The following SLC30A10 variants were observed in gnomAD, a reference collection of about 807,000 sequenced individuals.
SLC30A10 encodes calcium/manganese antiporter SLC30A10.
Under a neutral mutation model 21.7 loss-of-function variants are expected in SLC30A10, and 8 were observed. The observed-to-expected ratio is 0.37, with a 90% CI of 0.22 to 0.67. The LOEUF is 0.67. Among genes scored for constraint, SLC30A10 ranks in the 30% least tolerant of loss-of-function variants. SLC30A10 has a pLI of 0.58. For missense variants in SLC30A10, 521 were observed against 642.5 expected, an observed-to-expected ratio of 0.81 and a Z score of 2.04; for synonymous variants, 272 against 279.4, an observed-to-expected ratio of 0.97 and a Z score of 0.26.
At chr1:219,925,649 ATATTTTTTTT>A (rs1015123891) in intron 2 of SLC30A10, among the ~76,000 whole-genome samples, 5 of 65,934 alleles carry the variant, frequency 7.6e-5, no homozygotes, top group Admixed American at 4.5e-4. Context: ...ATATATATAT[ATATTTTTTTT>A]TTTTTTTTTT....
chr1:219,956,499 C>CT (rs35742054), intron 1 of SLC30A10, among the ~76,000 whole-genome samples: 62,451 of 151,422 alleles, frequency 0.41, 13,551 homozygotes, highest in East Asian at 0.52. Flanking sequence ...GCTAGATACT[C>CT]TAGAATTAAG....
chr1:219,948,256 A>G lies in SLC30A10; in HGVS notation n.80+10312T>C, dbSNP rs540236104. 1.5e-4 allele frequency among the ~76,000 whole-genome samples: 23 copies of G among 150,382 alleles called. No individual in the cohort carries two copies. In the South Asian group the frequency reaches 4.9e-3, roughly 32 times the overall value. ...TGACTTTCTTCACAGAATTGGAAAAAACTACTTTAAAGTTCATATGGAACC... is the reference window on the plus strand; with the variant it reads ...TGACTTTCTTCACAGAATTGGAAAAGACTACTTTAAAGTTCATATGGAACC... On this transcript the variant is annotated intron_variant and non_coding_transcript_variant, in intron 1 of 8. Transcript: ENST00000484239.
Position 219,928,474 on chromosome 1 carries a change from A to G in SLC30A10, c.-34T>C. ...CAGCCCCGGGCGCCCGGCGCCGCCC[A>G]GGGGAGCGCAGCCCACCCCGCGCGC... On this transcript the variant is annotated 5_prime_UTR_variant, in exon 1 of 4. Transcript: ENST00000366926. This position sits in a 1 kb window ranked among gnomAD's most constrained non-coding sequence, Gnocchi z 6.3. 1 of 1,515,934 alleles carries G rather than the reference A, an allele frequency of 6.6e-7. No homozygotes were observed. Among genetic ancestry groups the G allele is most frequent in the Non-Finnish European group, 8.8e-7 (1 of 1,132,720 alleles). The allele number at this position is 1,515,934 out of a possible 1,614,324, so 93.9% of individuals were successfully genotyped here. A position where few individuals can be genotyped will look rare whatever the true frequency, so the allele number is the denominator to read the frequency against.
intron 1 of SLC30A10, among the ~76,000 whole-genome samples, chr1:219,952,155 C>G (rs1039849228): frequency 5.3e-5 from 8 of 152,142 alleles, no homozygotes; most frequent in African/African-American, 1.9e-4. Flanking sequence ...TTCCTCTTCC[C>G]TTCAGCCCTT....
At chr1:219,921,935 GAGAGAGAGACCGAGAGAGAGAGAC>G (rs1182444520) in intron 2 of SLC30A10, among the ~76,000 whole-genome samples, 4 of 149,432 alleles carry the variant, frequency 2.7e-5, no homozygotes, top group Non-Finnish European at 3.0e-5. Flanking sequence ...GAGAGAGAGA[GAGAGAGAGACCGAGAGAGAGAGAC>G]AGAGAGAGAG....
chr1:219,932,224 C>A (rs975086759), upstream of SLC30A10, among the ~76,000 whole-genome samples: 7 of 149,726 alleles, frequency 4.7e-5, no homozygotes, highest in African/African-American at 1.5e-4. Context: ...CCACCACGCC[C>A]AGCTAATTTT....
intron 3 of SLC30A10, among the ~76,000 whole-genome samples, chr1:219,916,761 A>T (rs1357847325): frequency 1.3e-5 from 2 of 152,166 alleles, no homozygotes; most frequent in East Asian, 3.9e-4. Context: ...TAGTTTAGAC[A>T]TTTACTAACT....
At chr1:219,935,258 A>T (rs538266642) in intron 1 of SLC30A10, among the ~76,000 whole-genome samples, 1 of 152,210 alleles carries the variant, frequency 6.6e-6, no homozygotes, top group Non-Finnish European at 1.5e-5. Context: ...AAGGTTTCCT[A>T]TGTGTTCTTT....
At position 219,912,289 on chromosome 1, in the gene SLC30A10, T is replaced by C. The variant is rs2102521715; in HGVS notation, c.*3160A>G. Among the ~76,000 whole-genome samples the C allele has an allele frequency of 6.6e-6, 1 of 152,202 alleles. No homozygotes were observed. Among genetic ancestry groups the C allele is most frequent in the Non-Finnish European group, 1.5e-5 (1 of 67,998 alleles). ...TCAAGAAGAGAGTAATTTTATTTTC[T>C]GTCAACAATGGAGCCTGTGGGTATT... On this transcript the variant is annotated 3_prime_UTR_variant, in exon 4 of 4. Coordinates refer to ENST00000366926, the MANE Select transcript of SLC30A10 (RefSeq NM_018713.3).
intron 1 of SLC30A10, among the ~76,000 whole-genome samples, chr1:219,948,842 A>G (rs982245126): frequency 6.6e-6 from 1 of 152,206 alleles, no homozygotes; most frequent in Non-Finnish European, 1.5e-5. Context: ...AAAATGGGAG[A>G]AAATTTTCGC....
chr1:219,957,596 TTC>T (rs1380925503), intron 1 of SLC30A10, among the ~76,000 whole-genome samples: 2 of 152,228 alleles, frequency 1.3e-5, no homozygotes, highest in African/African-American at 4.8e-5. Flanking sequence ...TACTTAGCAT[TTC>T]TCTCAGTCCT....
Position 219,928,482 on chromosome 1 carries a change from G to A in SLC30A10, c.-42C>T. The A allele has an allele frequency of 1.3e-6, 2 of 1,492,268 alleles. No individual in the cohort carries two copies. Among genetic ancestry groups the A allele is most frequent in the East Asian group, 2.5e-5 (1 of 40,102 alleles). The allele number at this position is 1,492,268 out of a possible 1,614,324, so 92.4% of individuals were successfully genotyped here. A position where few individuals can be genotyped will look rare whatever the true frequency, so the allele number is the denominator to read the frequency against. On this transcript the variant is annotated 5_prime_UTR_variant, in exon 1 of 4. Transcript: ENST00000366926. The surrounding 1 kb of genome is among the most constrained non-coding windows in gnomAD (Gnocchi z 6.3). ...GGCGCCCGGCGCCGCCCAGGGGAGC[G>A]CAGCCCACCCCGCGCGCAGCCACAG...
rs1199976769 is a variant in SLC30A10, at chr1:219,928,298, A to G, written c.143T>C (p.Leu48Pro). The change falls in exon 1 of 4, where the codon CTG becomes CCG. Residue 48 changes from leucine to proline, a missense_variant. Physicochemically the swap from Leu to Pro is moderately conservative, Grantham distance 98. Transcript: ENST00000366926. This position sits in a 1 kb window ranked among gnomAD's most constrained non-coding sequence, Gnocchi z 6.3. The part of the protein sequence containing the change: ...LSDSFNMLSD[L>P]ISLCVGLSAG... ...GCTCAGGCCCACGCACAGCGAGATC[A>G]GGTCGGAGAGCATGTTGAAGGAGTC... 2 of 1,608,112 alleles carry G rather than the reference A, an allele frequency of 1.2e-6. No individual in the cohort carries two copies. Among genetic ancestry groups the G allele is most frequent in the African/African-American group, 1.3e-5 (1 of 75,000 alleles).
intron 2 of SLC30A10, among the ~76,000 whole-genome samples, chr1:219,922,119 A>T (rs1490905578): frequency 1.6e-5 from 2 of 128,002 alleles, no homozygotes; most frequent in African/African-American, 3.0e-5. Context: ...GCACTGGTTA[A>T]TTTTTTTACT....
At chr1:219,936,774 T>C (rs978148641) in intron 1 of SLC30A10, among the ~76,000 whole-genome samples, 1 of 152,212 alleles carries the variant, frequency 6.6e-6, no homozygotes, top group East Asian at 1.9e-4. Context: ...ATCTTTGCTT[T>C]CCTTCTTCAA....
rs1182972135 is a variant in SLC30A10 at position 219,910,447 on chromosome 1, T to A, written c.*5002A>T. Reference sequence around the variant, plus strand: ...CAGACATATCTCAGTCATGTTTCTATTTTTTAAAAAAATTTTATTTACAGC... The same window carrying A: ...CAGACATATCTCAGTCATGTTTCTAATTTTTAAAAAAATTTTATTTACAGC... On this transcript the variant is annotated 3_prime_UTR_variant, in exon 4 of 4. Transcript: ENST00000366926. Among the ~76,000 whole-genome samples, 3 of 152,226 alleles carry A rather than the reference T, an allele frequency of 2.0e-5. No individual in the cohort carries two copies. The highest frequency in any genetic ancestry group is 2.9e-5 in the Non-Finnish European group (2 of 68,042).
At chr1:219,925,096 A>C (rs1373017741) in intron 2 of SLC30A10, among the ~76,000 whole-genome samples, 1 of 152,220 alleles carries the variant, frequency 6.6e-6, no homozygotes, top group African/African-American at 2.4e-5. Context: ...TTTTCTACCA[A>C]GAAACTTCAA....
rs571867990 is a variant in SLC30A10 at position 219,911,210 on chromosome 1, A to T, written c.*4239T>A. Reference sequence around the variant, plus strand: ...ACTACAGGAATGTGAAGATATATTTAAAAATAGAATACTTTAAAATCAGGA... The same window carrying T: ...ACTACAGGAATGTGAAGATATATTTTAAAATAGAATACTTTAAAATCAGGA... On this transcript the variant is annotated 3_prime_UTR_variant, in exon 4 of 4. Coordinates refer to ENST00000366926, the MANE Select transcript of SLC30A10 (RefSeq NM_018713.3). Among the ~76,000 whole-genome samples the T allele has an allele frequency of 7.4e-3, 893 of 120,626 alleles. 9 individuals are homozygous for T. The highest frequency in any genetic ancestry group is 0.011 in the Non-Finnish European group (658 of 58,872). 79.1% of individuals were successfully genotyped at this position (120,626 alleles called of 152,430 possible). A position where few individuals can be genotyped will look rare whatever the true frequency, so the allele number is the denominator to read the frequency against.
chr1:219,941,587 GCCTTCCTCT>G, intron 1 of SLC30A10, among the ~76,000 whole-genome samples: 1 of 78,856 alleles, frequency 1.3e-5, no homozygotes, highest in Non-Finnish European at 2.3e-5. Flanking sequence ...CTTCCTCTCT[GCCTTCCTCT>G]CTTCTTCCCT....
Sources: allele counts gnomAD v4.1 joint callset (sites outside exome capture counted in the v4.1 genomes callset), GRCh38; gene constraint gnomAD v4.1.1; non-coding constraint Gnocchi (gnomAD v3.1); transcripts MANE v1.5; gene names NCBI Gene and HGNC (gene_info 2026-07-23, HGNC 2026-07-21).